RORA: variants seen among roughly 807,000 people sequenced by gnomAD.
The protein encoded by RORA is RAR related orphan receptor A.
In RORA, 7 loss-of-function variants were observed where a neutral mutation model predicts 69.5. The ratio of observed to expected loss-of-function variants is 0.10; its 90% CI spans 0.06 to 0.19. The LOEUF is 0.19. RORA is among the 10% of genes least tolerant of loss of function. RORA has a pLI of 1.00. For missense variants in RORA, 457 were observed against 663.0 expected, an observed-to-expected ratio of 0.69 and a Z score of 3.41; for synonymous variants, 261 against 240.8, an observed-to-expected ratio of 1.08 and a Z score of -0.78.
chr15:60,506,564 A>C (rs1339005942), intron 5 of RORA, among the ~76,000 whole-genome samples: 1 of 152,172 alleles, frequency 6.6e-6, no homozygotes, highest in Admixed American at 6.5e-5. Context: ...CAGAAAAGGA[A>C]GAGATTGGCT....
intron 1 of RORA, among the ~76,000 whole-genome samples, chr15:60,798,984 G>A (rs1264192780): frequency 6.7e-6 from 1 of 150,184 alleles, no homozygotes; most frequent in Non-Finnish European, 1.5e-5. Context: ...GGCGTGGGCT[G>A]ATTATTCATG....
chr15:60,844,768 G>A (rs918291621), intron 1 of RORA, among the ~76,000 whole-genome samples: 2 of 152,184 alleles, frequency 1.3e-5, no homozygotes, highest in Non-Finnish European at 2.9e-5. Flanking sequence ...TACAAAAAAG[G>A]TGGTTTAATG....
chr15:61,108,365 C>T (rs540982490), intron 1 of RORA, among the ~76,000 whole-genome samples: 4 of 152,302 alleles, frequency 2.6e-5, no homozygotes, highest in African/African-American at 9.6e-5. Flanking sequence ...TGATCCCCTG[C>T]ACAATGTTAC....
intron 1 of RORA, among the ~76,000 whole-genome samples, chr15:60,838,166 C>T (rs1378380300): frequency 6.6e-6 from 1 of 152,086 alleles, no homozygotes; most frequent in Non-Finnish European, 1.5e-5. Flanking sequence ...CCCCTTAGAC[C>T]TCTATCCTAT....
chr15:60,956,480 A>T (rs1893271207), intron 1 of RORA, among the ~76,000 whole-genome samples: 1 of 152,212 alleles, frequency 6.6e-6, no homozygotes. Flanking sequence ...CTGGTCTTTT[A>T]GGGGAGGAAG....
intron 1 of RORA, among the ~76,000 whole-genome samples, chr15:60,886,865 A>G (rs2073756277): frequency 1.3e-5 from 2 of 152,190 alleles, no homozygotes; most frequent in African/African-American, 2.4e-5. Context: ...AGTTTGTGGC[A>G]TAGACTTGGA....
intron 1 of RORA, among the ~76,000 whole-genome samples, chr15:61,217,909 C>A (rs968045167): frequency 6.6e-6 from 1 of 152,112 alleles, no homozygotes; most frequent in Non-Finnish European, 1.5e-5. Flanking sequence ...TTCCCTCCCC[C>A]TCCTCCTCCC....
At position 60,749,890 on chromosome 15, in the gene RORA, C is replaced by T. The variant is rs1355185268; in HGVS notation, c.167-71204G>A. ...TACAAATTACAAAAAATTAGTCTGACGTGGTAGTGTGCGCCTGTAGTCCCA... is the reference window on the plus strand; with the variant it reads ...TACAAATTACAAAAAATTAGTCTGATGTGGTAGTGTGCGCCTGTAGTCCCA... On this transcript the variant is annotated intron_variant, in intron 1 of 10. Transcript: ENST00000335670. Among the ~76,000 whole-genome samples, 6 of 152,018 alleles carry T rather than the reference C, an allele frequency of 3.9e-5. 1 individual carries two copies. Among genetic ancestry groups the T allele is most frequent in the East Asian group, 1.9e-4 (1 of 5,180 alleles).
chr15:60,548,709 C>T (rs1727541406), intron 2 of RORA, among the ~76,000 whole-genome samples: 1 of 152,180 alleles, frequency 6.6e-6, no homozygotes, highest in Non-Finnish European at 1.5e-5. Context: ...GCGATCTCGG[C>T]TCACTGCAAC....
intron 1 of RORA, among the ~76,000 whole-genome samples, chr15:60,820,007 A>T (rs1032203122): frequency 5.9e-5 from 9 of 152,180 alleles, no homozygotes; most frequent in African/African-American, 2.2e-4. Flanking sequence ...CTCTCACACA[A>T]CCACGCCTCT....
intron 1 of RORA, among the ~76,000 whole-genome samples, chr15:60,685,893 T>C (rs527374246): frequency 6.6e-6 from 1 of 152,306 alleles, no homozygotes; most frequent in South Asian, 2.1e-4. Flanking sequence ...AATACTATAA[T>C]GGGAGGTTTC....
At chr15:60,564,732 G>C (rs1433756816) in intron 2 of RORA, among the ~76,000 whole-genome samples, 1 of 152,044 alleles carries the variant, frequency 6.6e-6, no homozygotes, top group African/African-American at 2.4e-5. Flanking sequence ...TGGGGGATAG[G>C]GAATCTGAGA....
chr15:60,597,282 G>T (rs2068687645), intron 2 of RORA, among the ~76,000 whole-genome samples: 1 of 151,570 alleles, frequency 6.6e-6, no homozygotes, highest in Non-Finnish European at 1.5e-5. Flanking sequence ...AAATTCAGAG[G>T]ACTGGCTTAT....
At chr15:60,951,552 T>G (rs1185928940) in intron 1 of RORA, among the ~76,000 whole-genome samples, 3 of 148,190 alleles carry the variant, frequency 2.0e-5, no homozygotes, top group Non-Finnish European at 3.0e-5. Flanking sequence ...GCAAGACTAA[T>G]AAAGAAAAAA....
At chr15:60,562,131 C>G (rs2067579621) in intron 2 of RORA, among the ~76,000 whole-genome samples, 1 of 151,952 alleles carries the variant, frequency 6.6e-6, no homozygotes, top group Non-Finnish European at 1.5e-5. Flanking sequence ...TTTTTAGTTT[C>G]ACCATGTTGG....
intron 3 of RORA, among the ~76,000 whole-genome samples, chr15:60,516,183 A>T (rs867351701): frequency 7.5e-5 from 2 of 26,590 alleles, no homozygotes; most frequent in East Asian, 1.2e-3. Context: ...TTATATATAT[A>T]TTTATATATA....
At chr15:61,047,800 G>T (rs28642745) in intron 1 of RORA, among the ~76,000 whole-genome samples, 22,007 of 152,166 alleles carry the variant, frequency 0.14, 2,432 homozygotes, top group East Asian at 0.49. Flanking sequence ...CAGAGGAAGT[G>T]AAGTGTGGTC....
At chr15:61,049,858 A>T (rs1421961602) in intron 1 of RORA, among the ~76,000 whole-genome samples, 3 of 152,238 alleles carry the variant, frequency 2.0e-5, no homozygotes, top group South Asian at 4.1e-4. Flanking sequence ...ACGAGGTTTC[A>T]CTGTGTTAGC....
intron 1 of RORA, among the ~76,000 whole-genome samples, chr15:61,086,850 G>A (rs552776673): frequency 6.6e-6 from 1 of 152,206 alleles, no homozygotes; most frequent in Non-Finnish European, 1.5e-5. Context: ...CACTTCTATT[G>A]TACAACAGCA....
Sources: allele counts gnomAD v4.1 joint callset (sites outside exome capture counted in the v4.1 genomes callset), GRCh38; gene constraint gnomAD v4.1.1; transcripts MANE v1.5; gene names NCBI Gene and HGNC (gene_info 2026-07-23, HGNC 2026-07-21).